ARAP2: variants seen among roughly 807,000 people sequenced by gnomAD.
ARAP2 encodes the protein arf-GAP with Rho-GAP domain, ANK repeat and PH domain-containing protein 2.
In ARAP2, 148 loss-of-function variants were observed where a neutral mutation model predicts 194.5. The ratio of observed to expected loss-of-function variants is 0.76; its 90% CI spans 0.67 to 0.87. ARAP2 has a LOEUF of 0.87. ARAP2 is among the 40% of genes least tolerant of loss of function. The pLI is 0.00. For synonymous variants in ARAP2, 695 were observed against 683.5 expected (o/e 1.02, Z -0.26); for missense variants, 2,128 against 1,989.7 (o/e 1.07, Z -1.32).
chr4:36,148,376 T>C, intron 17 of ARAP2, 29 bp downstream of exon 17: 1 of 1,544,542 alleles, frequency 6.5e-7, no homozygotes, highest in Non-Finnish European at 8.9e-7. Flanking sequence ...CTTCTCTGGA[T>C]TTAGAGCAGT....
Position 36,067,951 on chromosome 4 carries a change from T to G in ARAP2, c.5071A>C (p.Arg1691=). The part of the protein sequence containing the change: ...EELNVVLQRS[R]TLPKELQDEQ... ...TCCTGTAATTCTTTTGGAAGGGTTC[T>G]TGACCGTTGTAGAACCACATTAAGT... The change falls in exon 33 of 33, where the codon AGA becomes CGA. Residue 1691 remains arginine, a synonymous_variant. Transcript: ENST00000303965. The G allele has an allele frequency of 6.2e-7, 1 of 1,612,310 alleles. No individual in the cohort carries two copies. Among genetic ancestry groups the G allele is most frequent in the Non-Finnish European group, 8.5e-7 (1 of 1,179,034 alleles).
intron 29 of ARAP2, 69 bp downstream of exon 29, chr4:36,083,299 C>A: frequency 8.8e-7 from 1 of 1,142,122 alleles, no homozygotes; most frequent in Non-Finnish European, 1.3e-6. Flanking sequence ...GCCACTGATC[C>A]CTAAATCCTT....
intron 21 of ARAP2, among the ~76,000 whole-genome samples, chr4:36,126,047 G>A (rs898665056): frequency 8.5e-5 from 13 of 152,078 alleles, no homozygotes; most frequent in African/African-American, 3.1e-4. Flanking sequence ...AAAATTGCAA[G>A]TGATATCTCT....
intron 27 of ARAP2, among the ~76,000 whole-genome samples, chr4:36,103,804 A>G (rs2109445106): frequency 6.6e-6 from 1 of 152,060 alleles, no homozygotes; most frequent in East Asian, 1.9e-4. Flanking sequence ...AGATTCTAAA[A>G]TATATTCTTA....
At chr4:36,058,990 G>T (rs569796027) in intron 1 of ARAP2, among the ~76,000 whole-genome samples, 32 of 152,178 alleles carry the variant, frequency 2.1e-4, no homozygotes, top group Non-Finnish European at 4.0e-4. Context: ...TGTATGTCTG[G>T]AAAGAGTGTT....
chr4:36,136,035 A>T (rs1169165056), intron 19 of ARAP2, among the ~76,000 whole-genome samples: 1 of 151,808 alleles, frequency 6.6e-6, no homozygotes, highest in African/African-American at 2.4e-5. Context: ...AACTTTCTCA[A>T]CTTGTCAAAG....
chr4:36,032,092 T>G (rs1719079068), intron 5 of ARAP2, among the ~76,000 whole-genome samples: 1 of 152,230 alleles, frequency 6.6e-6, no homozygotes, highest in Non-Finnish European at 1.5e-5. Context: ...AGACTGAACT[T>G]AACTTCCAAT....
Position 36,177,954 on chromosome 4 carries a change from G to A in ARAP2, c.1730C>T (p.Ser577Phe). The A allele has an allele frequency of 1.2e-6, 2 of 1,613,026 alleles. No homozygotes were observed. The highest frequency in any genetic ancestry group is 1.7e-6 in the Non-Finnish European group (2 of 1,179,546). ...SILLNALKSQ[S>F]LTSQSQAVVT... ...AACAGCTTGAGACTGCGAGGTAAGGGATTGTGATTTCAGTGCATTTAATAG... is the reference window on the plus strand; with the variant it reads ...AACAGCTTGAGACTGCGAGGTAAGGAATTGTGATTTCAGTGCATTTAATAG... The change falls in exon 9 of 33, where the codon TCC becomes TTC. Residue 577 changes from serine (S) to phenylalanine (F), a missense_variant. By Grantham distance (155) the Ser-to-Phe change is radical (BLOSUM62 -2). Transcript: ENST00000303965.
chr4:36,135,359 T>C (rs1319888097), intron 19 of ARAP2, among the ~76,000 whole-genome samples: 1 of 151,796 alleles, frequency 6.6e-6, no homozygotes, highest in Non-Finnish European at 1.5e-5. Flanking sequence ...CTTGAAATGC[T>C]CCTGTAAGAA....
chr4:36,144,803 G>C (rs912590054), intron 19 of ARAP2, among the ~76,000 whole-genome samples: 9 of 151,800 alleles, frequency 5.9e-5, no homozygotes, highest in African/African-American at 2.2e-4. Flanking sequence ...TTTATACACA[G>C]ATTTTTCTTT....
chr4:36,159,452 C>T lies in ARAP2; in HGVS notation c.2496G>A (p.Leu832=). Reference sequence around the variant, plus strand: ...CACACATGACATCTGCTCCACTGAACAGCAAAGCCATTGTTTCTAGAACAT... The same window carrying T: ...CACACATGACATCTGCTCCACTGAATAGCAAAGCCATTGTTTCTAGAACAT... The part of the protein sequence containing the change: ...KPDVLETMAL[L]FSGADVMCAT... Residue 832 remains leucine (L), a synonymous_variant, in exon 14 of 33, where the codon CTG becomes CTA. Coordinates refer to ENST00000303965, the MANE Select transcript of ARAP2 (RefSeq NM_015230.4). The T allele has an allele frequency of 6.3e-7, 1 of 1,598,332 alleles. No homozygotes were observed. The highest frequency in any genetic ancestry group is 1.3e-5 in the African/African-American group (1 of 74,504).
At chr4:36,226,436 T>A (rs886475152) in intron 2 of ARAP2, among the ~76,000 whole-genome samples, 1 of 152,150 alleles carries the variant, frequency 6.6e-6, no homozygotes, top group Non-Finnish European at 1.5e-5. Context: ...GAAATTAACA[T>A]CCTGTCCTCA....
intron 24 of ARAP2, among the ~76,000 whole-genome samples, chr4:36,117,763 A>G (rs1292393809): frequency 6.6e-6 from 1 of 151,656 alleles, no homozygotes; most frequent in Non-Finnish European, 1.5e-5. Context: ...ATCTTTGGCC[A>G]AGAATTAAGT....
chr4:36,050,542 G>T (rs1450635189), intron 3 of ARAP2, among the ~76,000 whole-genome samples: 4 of 152,170 alleles, frequency 2.6e-5, no homozygotes, highest in African/African-American at 9.7e-5. Context: ...AATCTAAGAA[G>T]CTGCTCTGTG....
At chr4:36,171,734 GCTC>G (rs1465725322) in intron 9 of ARAP2, among the ~76,000 whole-genome samples, 1 of 151,966 alleles carries the variant, frequency 6.6e-6, no homozygotes, top group Non-Finnish European at 1.5e-5. Flanking sequence ...GGACTAGCTA[GCTC>G]TTGTTATTAT....
chr4:36,244,544 C>A (rs1180793897), upstream of ARAP2: 2 of 151,610 alleles, frequency 1.3e-5, no homozygotes, highest in Non-Finnish European at 2.9e-5. Context: ...AGCAGGCGCC[C>A]CGCGCGGGGG....
chr4:36,185,524 G>T (rs1365873490), intron 8 of ARAP2, among the ~76,000 whole-genome samples: 1 of 151,896 alleles, frequency 6.6e-6, no homozygotes, highest in Non-Finnish European at 1.5e-5. Context: ...CAATGGAAAC[G>T]TTTTAGTAGT....
At chr4:36,076,381 C>T (rs1041380398) in intron 31 of ARAP2, among the ~76,000 whole-genome samples, 10 of 151,984 alleles carry the variant, frequency 6.6e-5, no homozygotes, top group African/African-American at 1.2e-4. Context: ...GTACACACTC[C>T]CCCATCTTAA....
At chr4:36,163,916 AATCT>A (rs1288713652) in intron 11 of ARAP2, among the ~76,000 whole-genome samples, 1 of 152,148 alleles carries the variant, frequency 6.6e-6, no homozygotes, top group Non-Finnish European at 1.5e-5. Flanking sequence ...CTGGTGAGGA[AATCT>A]ATCTTAGTTT....
Sources: allele counts gnomAD v4.1 joint callset (sites outside exome capture counted in the v4.1 genomes callset), GRCh38; gene constraint gnomAD v4.1.1; transcripts MANE v1.5; gene names NCBI Gene and HGNC (gene_info 2026-07-23, HGNC 2026-07-21).